The following ZFHX4 variants were observed in gnomAD, a reference collection of about 807,000 sequenced individuals.
ZFHX4 encodes zinc finger homeobox 4.
A neutral mutation model predicts 267.6 loss-of-function variants in ZFHX4; 56 were observed. The ratio of observed to expected loss-of-function variants is 0.21; its 90% confidence interval spans 0.17 to 0.26. The LOEUF is 0.26. ZFHX4 is among the 10% of genes least tolerant of loss of function. The pLI is 1.00. For missense variants in ZFHX4, 4,332 were observed against 4,420.0 expected (o/e 0.98, Z 0.56); for synonymous variants, 1,778 against 1,665.6 (o/e 1.07, Z -1.64).
Position 76,863,846 on chromosome 8 carries a change from A to G in ZFHX4, c.10132A>G (p.Lys3378Glu). The change falls in exon 11 of 11, where the codon AAA becomes GAA. Residue 3378 changes from lysine (K) to glutamate (E), a missense_variant. Lys to Glu is a moderately conservative substitution (Grantham distance 56). Transcript: ENST00000651372. ...EDKSTATEST[K>E]EEPQLESKSA... Reference sequence around the variant, plus strand: ...CAAAAGTACTGCTACAGAAAGCACAAAAGAAGAACCCCAGTTAGAATCCAA... The same window carrying G: ...CAAAAGTACTGCTACAGAAAGCACAGAAGAAGAACCCCAGTTAGAATCCAA... 1 of 1,554,966 alleles carries G rather than the reference A, an allele frequency of 6.4e-7. No individual in the cohort carries two copies. Among genetic ancestry groups the G allele is most frequent in the South Asian group, 1.2e-5 (1 of 84,402 alleles).
rs143927315 is a variant in ZFHX4 at position 76,735,116 on chromosome 8, A to T, written c.3093+27068A>T. Among the ~76,000 whole-genome samples the T allele has an allele frequency of 9.4e-3, 1,430 of 152,290 alleles. 10 individuals carry two copies. The highest frequency in any genetic ancestry group is 0.044 in the Middle Eastern group (13 of 294). On this transcript the variant is annotated intron_variant, in intron 3 of 10. Transcript: ENST00000651372. Reference sequence around the variant, plus strand: ...AAGTAAATGTATATCTGACGAAATCAGCAGGACCTAGGAAGAAATTTGATC... The same window carrying T: ...AAGTAAATGTATATCTGACGAAATCTGCAGGACCTAGGAAGAAATTTGATC...
chr8:76,709,714 G>T (rs542436310), intron 3 of ZFHX4, among the ~76,000 whole-genome samples: 2 of 151,908 alleles, frequency 1.3e-5, no homozygotes, highest in Admixed American at 1.3e-4. Context: ...GGAAGGTGGG[G>T]TGTTATTGTT....
At chr8:76,772,866 T>G (rs1185191435) in intron 3 of ZFHX4, among the ~76,000 whole-genome samples, 5 of 152,132 alleles carry the variant, frequency 3.3e-5, no homozygotes, top group African/African-American at 1.2e-4. Context: ...TGACTGCCGC[T>G]CTACCTGTTG....
intron 1 of ZFHX4, chr8:76,683,118 T>G (rs1258022617): frequency 6.6e-6 from 1 of 152,172 alleles, no homozygotes; most frequent in African/African-American, 2.4e-5. Flanking sequence ...AGGAGGCTTC[T>G]GCGGGCGCCT....
rs1812569721 is a variant in ZFHX4, at chr8:76,852,715, C to A, written c.5794C>A (p.Gln1932Lys). ...GTATAACGAAAACAGGCAGAAGGTA[C>A]AGAAGAAGGGCAAAAGTGGTGAAGG... ...IQYNENRQKV[Q>K]KKGKSGEGEN... is the part of the protein sequence containing the mutation. Residue 1932 changes from glutamine (Q) to lysine (K), a missense_variant, in exon 10 of 11, where the codon CAG becomes AAG. By Grantham distance (53) the Gln-to-Lys change is moderately conservative (BLOSUM62 1). Transcript: ENST00000651372. The A allele has an allele frequency of 6.2e-7, 1 of 1,613,868 alleles. No homozygotes were observed. The highest frequency in any genetic ancestry group is 8.5e-7 in the Non-Finnish European group (1 of 1,179,876).
At chr8:76,718,935 T>TCACACACACACAAA (rs1808646739) in intron 3 of ZFHX4, among the ~76,000 whole-genome samples, 1 of 141,280 alleles carries the variant, frequency 7.1e-6, no homozygotes, top group Non-Finnish European at 1.6e-5. Context: ...CTGAAATTGA[T>TCACACACACACAAA]CACACACACA....
rs367763738 is a variant in ZFHX4 at position 76,686,752 on chromosome 8, C to A, written c.-47+5132C>A. ...TCCTGCCTTCCTTTGAGAAGATACT[C>A]GTTATGAGTCTTTAAAGACTAATCC... On this transcript the variant is annotated intron_variant, in intron 1 of 10. Transcript: ENST00000651372. Among the ~76,000 whole-genome samples, 5 of 152,280 alleles carry A rather than the reference C, an allele frequency of 3.3e-5. No homozygotes were observed. In the East Asian group the frequency reaches 7.7e-4, roughly 24 times the overall value.
At chr8:76,703,994 G>A (rs1261156025) in intron 1 of ZFHX4, 49 bp from the exon 2 acceptor site, 2 of 1,219,328 alleles carry the variant, frequency 1.6e-6, no homozygotes, top group Non-Finnish European at 1.1e-6. Context: ...TTAGTGAGCT[G>A]TGTCATTATT....
At chr8:76,814,333 A>T (rs1306890266) in intron 4 of ZFHX4, among the ~76,000 whole-genome samples, 2 of 152,212 alleles carry the variant, frequency 1.3e-5, no homozygotes, top group African/African-American at 4.8e-5. Context: ...GGTAAATGAA[A>T]AAGTTTTACA....
Position 76,822,729 on chromosome 8 carries a change from C to A in ZFHX4, c.3326-10609C>A, listed in dbSNP as rs189583350. Reference sequence around the variant, plus strand: ...GTGCTAGGATTACAGGCATGAGGCACCACTCCCAGCTCCTCTTTGTTCTTT... The same window carrying A: ...GTGCTAGGATTACAGGCATGAGGCAACACTCCCAGCTCCTCTTTGTTCTTT... On this transcript the variant is annotated intron_variant, in intron 4 of 10. Coordinates refer to ENST00000651372, the MANE Select transcript of ZFHX4 (RefSeq NM_024721.5). 4.2e-3 allele frequency among the ~76,000 whole-genome samples: 637 copies of A among 152,170 alleles called. 6 individuals carry two copies. Among genetic ancestry groups the A allele is most frequent in the Middle Eastern group, 6.8e-3 (2 of 294 alleles).
chr8:76,731,287 T>C (rs1432671198), intron 3 of ZFHX4, among the ~76,000 whole-genome samples: 5 of 152,150 alleles, frequency 3.3e-5, no homozygotes, highest in Non-Finnish European at 5.9e-5. Flanking sequence ...GGTAAGCCCT[T>C]TTACAACTAA....
chr8:76,791,240 C>T (rs929940758), intron 4 of ZFHX4, among the ~76,000 whole-genome samples: 71 of 152,204 alleles, frequency 4.7e-4, no homozygotes, highest in African/African-American at 1.6e-3. Flanking sequence ...TAAATTCTCT[C>T]TTCACTTTTT....
At position 76,819,801 on chromosome 8, in the gene ZFHX4, A is replaced by G. The variant is rs553472094; in HGVS notation, c.3326-13537A>G. Among the ~76,000 whole-genome samples, 26 of 152,330 alleles carry G rather than the reference A, an allele frequency of 1.7e-4. 1 individual carries two copies. The South Asian group carries it at 5.0e-3, about 29-fold the overall frequency. On this transcript the variant is annotated intron_variant, in intron 4 of 10. Coordinates refer to ENST00000651372, the MANE Select transcript of ZFHX4 (RefSeq NM_024721.5). ...CATTCTAATTTTGTGGATATATATA[A>G]GAGATTCTTCCCAACAATTAATAGT...
At chr8:76,836,056 A>G (rs1039721827) in intron 5 of ZFHX4, among the ~76,000 whole-genome samples, 3 of 152,204 alleles carry the variant, frequency 2.0e-5, no homozygotes, top group African/African-American at 4.8e-5. Context: ...CAAATTAGAA[A>G]TCATCAGTTT....
chr8:76,775,993 G>T (rs1308159216), intron 3 of ZFHX4, among the ~76,000 whole-genome samples: 2 of 151,890 alleles, frequency 1.3e-5, no homozygotes, highest in Admixed American at 6.6e-5. Context: ...TAACACAGCG[G>T]AGTGACAAGA....
intron 4 of ZFHX4, among the ~76,000 whole-genome samples, chr8:76,813,543 A>C (rs1243947211): frequency 6.6e-6 from 1 of 152,186 alleles, no homozygotes; most frequent in African/African-American, 2.4e-5. Context: ...TTTGGCTTTC[A>C]AATCAAAATT....
At chr8:76,722,245 C>A (rs1808741544) in intron 3 of ZFHX4, among the ~76,000 whole-genome samples, 1 of 151,978 alleles carries the variant, frequency 6.6e-6, no homozygotes, top group African/African-American at 2.4e-5. Context: ...GGAAATTATG[C>A]AAGAAAACAT....
At chr8:76,768,331 A>C (rs1162889195) in intron 3 of ZFHX4, among the ~76,000 whole-genome samples, 1 of 152,184 alleles carries the variant, frequency 6.6e-6, no homozygotes, top group African/African-American at 2.4e-5. Flanking sequence ...CAGGAGTGGC[A>C]TAATATGATT....
In ZFHX4 at chr8:76,854,241, G is replaced by A; in HGVS notation, c.7320G>A (p.Gln2440=). ...PLASTSSDPP[Q]ASTAQPQPQP... Reference sequence around the variant, plus strand: ...CATCGACTTCCTCGGACCCACCACAGGCATCCACAGCCCAGCCACAGCCAC... The same window carrying A: ...CATCGACTTCCTCGGACCCACCACAAGCATCCACAGCCCAGCCACAGCCAC... Residue 2440 remains glutamine, a synonymous_variant, in exon 10 of 11, where the codon CAG becomes CAA. Transcript: ENST00000651372. 6.4e-7 allele frequency: 1 copy of A among 1,569,232 alleles called. No individual in the cohort carries two copies. The highest frequency in any genetic ancestry group is 8.6e-7 in the Non-Finnish European group (1 of 1,157,328).
Sources: allele counts gnomAD v4.1 joint callset (sites outside exome capture counted in the v4.1 genomes callset), GRCh38; gene constraint gnomAD v4.1.1; transcripts MANE v1.5; gene names NCBI Gene and HGNC (gene_info 2026-07-23, HGNC 2026-07-21).